Variants in NKAIN3 observed in about 807,000 individuals in gnomAD.
The protein encoded by NKAIN3 is sodium/potassium transporting ATPase interacting 3, also known as sodium/potassium-transporting ATPase subunit beta-1-interacting protein 3.
NKAIN3 carries 25 observed loss-of-function variants against 30.2 expected under a neutral mutation model. That is an observed-to-expected ratio of 0.83 (90% confidence interval 0.60 to 1.16). NKAIN3 has a LOEUF of 1.16. Ranked by LOEUF, NKAIN3 falls within the 50% of genes most tolerant of loss-of-function variation. The probability of loss-of-function intolerance (pLI) is 0.00; values close to 1 mark genes in which losing one functional copy is unlikely to be tolerated. For missense variants in NKAIN3, 225 were observed against 254.1 expected (o/e 0.89, Z 0.78); for synonymous variants, 91 against 89.6 (o/e 1.02, Z -0.09).
At chr8:62,481,961 A>G (rs187211815) in intron 1 of NKAIN3, among the ~76,000 whole-genome samples, 73 of 152,300 alleles carry the variant, frequency 4.8e-4, no homozygotes, top group African/African-American at 1.7e-3. Context: ...CACAAAACCC[A>G]ATGCAGCCCA....
At chr8:62,501,666 C>T (rs1482382967) in intron 1 of NKAIN3, among the ~76,000 whole-genome samples, 1 of 152,152 alleles carries the variant, frequency 6.6e-6, no homozygotes, top group African/African-American at 2.4e-5. Flanking sequence ...ACCAAACAGC[C>T]TGCAATCTTC....
chr8:62,702,018 G>A (rs1345167174), intron 3 of NKAIN3, among the ~76,000 whole-genome samples: 1 of 152,188 alleles, frequency 6.6e-6, no homozygotes, highest in East Asian at 1.9e-4. Context: ...ACCTGCGCTT[G>A]TGTTCGCGTT....
intron 4 of NKAIN3, among the ~76,000 whole-genome samples, chr8:62,895,754 T>C (rs917962262): frequency 6.6e-5 from 10 of 152,112 alleles, no homozygotes; most frequent in African/African-American, 9.7e-5. Context: ...TGGTCCTTCT[T>C]CCCTAATGTC....
intron 3 of NKAIN3, among the ~76,000 whole-genome samples, chr8:62,605,656 A>T (rs1811102721): frequency 6.6e-6 from 1 of 152,106 alleles, no homozygotes; most frequent in African/African-American, 2.4e-5. Context: ...TTTAAAATGT[A>T]GCGTATCTAT....
intron 1 of NKAIN3, among the ~76,000 whole-genome samples, chr8:62,257,143 A>G (rs1402136184): frequency 6.6e-6 from 1 of 152,174 alleles, no homozygotes; most frequent in Non-Finnish European, 1.5e-5. Flanking sequence ...AATATACAAT[A>G]CAGTATTATT....
At chr8:62,706,461 C>T (rs948299740) in intron 3 of NKAIN3, among the ~76,000 whole-genome samples, 10 of 152,050 alleles carry the variant, frequency 6.6e-5, no homozygotes, top group Non-Finnish European at 1.2e-4. Context: ...AATGATTCTG[C>T]AAGTGTAAAT....
Position 62,506,337 on chromosome 8 carries a change from G to A in NKAIN3, c.55-73202G>A, listed in dbSNP as rs148535883. ...ATTTCAAAGAAGCAAATTGCAGGATGTAATTCTACACCCCTCCCGTAAAAC... is the reference window on the plus strand; with the variant it reads ...ATTTCAAAGAAGCAAATTGCAGGATATAATTCTACACCCCTCCCGTAAAAC... On this transcript the variant is annotated intron_variant, in intron 1 of 6. Transcript: ENST00000623646. Among the ~76,000 whole-genome samples, 696 of 152,030 alleles carry A rather than the reference G, an allele frequency of 4.6e-3. 4 individuals carry two copies. The highest frequency in any genetic ancestry group is 0.016 in the African/African-American group (654 of 41,464).
chr8:62,346,086 A>G (rs570558710), intron 1 of NKAIN3, among the ~76,000 whole-genome samples: 49 of 152,132 alleles, frequency 3.2e-4, no homozygotes, highest in African/African-American at 1.0e-3. Flanking sequence ...GTGGAGAGGA[A>G]GGTGGGGAGA....
intron 1 of NKAIN3, among the ~76,000 whole-genome samples, chr8:62,415,197 G>C (rs1563388627): frequency 1.5e-5 from 2 of 136,188 alleles, no homozygotes; most frequent in African/African-American, 5.4e-5. Context: ...ATATACTATA[G>C]TATATATATT....
rs115307315 is a variant in NKAIN3 at position 62,736,492 on chromosome 8, C to T, written c.274-10440C>T. 4.3e-3 allele frequency among the ~76,000 whole-genome samples: 659 copies of T among 152,246 alleles called. 2 individuals carry two copies. Among genetic ancestry groups the T allele is most frequent in the African/African-American group, 0.015 (619 of 41,538 alleles). ...CAGCAGTGACAGGCCTCACTCAGCT[C>T]CCACGCAGCACCAAAGCCCCGACTC... On this transcript the variant is annotated intron_variant, in intron 3 of 6. Coordinates refer to ENST00000623646, the MANE Select transcript of NKAIN3 (RefSeq NM_001304533.3).
intron 4 of NKAIN3, among the ~76,000 whole-genome samples, chr8:62,789,350 A>G (rs775288327): frequency 2.6e-5 from 4 of 152,184 alleles, no homozygotes; most frequent in Non-Finnish European, 4.4e-5. Context: ...TTACTGGTGT[A>G]TAAGAATGCT....
At chr8:62,653,555 T>TCTTCACTTCAAAAAA (rs1426372655) in intron 3 of NKAIN3, among the ~76,000 whole-genome samples, 1 of 152,074 alleles carries the variant, frequency 6.6e-6, no homozygotes, top group Non-Finnish European at 1.5e-5. Context: ...GAAATAAAAA[T>TCTTCACTTCAAAAAA]ATAAGGGGAT....
At chr8:62,353,035 C>G (rs558046486) in intron 1 of NKAIN3, among the ~76,000 whole-genome samples, 3 of 152,304 alleles carry the variant, frequency 2.0e-5, no homozygotes, top group South Asian at 4.2e-4. Context: ...ACAGTCTGCA[C>G]TCCCAGATGT....
intron 4 of NKAIN3, among the ~76,000 whole-genome samples, chr8:62,798,915 C>T (rs1817960949): frequency 6.6e-6 from 1 of 152,070 alleles, no homozygotes; most frequent in Non-Finnish European, 1.5e-5. Flanking sequence ...GATGGAAGAA[C>T]TGGACTATAA....
Position 62,548,628 on chromosome 8 carries a change from G to T in NKAIN3, c.55-30911G>T, listed in dbSNP as rs377020442. ...CAAATTATGGCACGTCAAACCAGTG[G>T]AGTAAAATGTCAGAAAATAAAAATT... On this transcript the variant is annotated intron_variant, in intron 1 of 6. Transcript: ENST00000623646. 2.0e-4 allele frequency among the ~76,000 whole-genome samples: 30 copies of T among 152,202 alleles called. No homozygotes were observed. The East Asian group carries it at 3.3e-3, about 17-fold the overall frequency.
chr8:62,847,803 T>C (rs1393619238), intron 4 of NKAIN3, among the ~76,000 whole-genome samples: 1 of 152,128 alleles, frequency 6.6e-6, no homozygotes, highest in Non-Finnish European at 1.5e-5. Context: ...TAGGTTTTTA[T>C]AGTTTTGGGG....
intron 4 of NKAIN3, among the ~76,000 whole-genome samples, chr8:62,808,306 A>T (rs769798470): frequency 6.6e-6 from 1 of 152,068 alleles, no homozygotes; most frequent in Admixed American, 6.6e-5. Flanking sequence ...GCTTTTTGTT[A>T]CTCCGAATGT....
At chr8:62,903,368 T>C (rs1049643919) in intron 4 of NKAIN3, among the ~76,000 whole-genome samples, 1 of 151,992 alleles carries the variant, frequency 6.6e-6, no homozygotes, top group African/African-American at 2.4e-5. Flanking sequence ...AACAAACAGA[T>C]TAGGTATTAC....
At chr8:62,505,648 CT>C (rs1563430372) in intron 1 of NKAIN3, among the ~76,000 whole-genome samples, 1 of 151,994 alleles carries the variant, frequency 6.6e-6, no homozygotes. Flanking sequence ...CTTTGTTGAT[CT>C]TTTTTCAAAT....
Sources: gnomAD v4.1 joint callset for allele counts (sites outside exome capture counted in the v4.1 genomes callset) on GRCh38, gnomAD v4.1.1 for gene constraint, MANE v1.5 for transcripts, NCBI Gene and HGNC (gene_info 2026-07-23, HGNC 2026-07-21) for gene names.